Variants in SPIN1 observed in about 807,000 individuals in gnomAD.
SPIN1 encodes spindlin 1.
A neutral mutation model predicts 26.0 loss-of-function variants in SPIN1; 3 were observed. The ratio of observed to expected loss-of-function variants is 0.12; its 90% CI spans 0.05 to 0.30. The LOEUF is 0.30. SPIN1 is among the 10% of genes least tolerant of loss of function. SPIN1 has a pLI of 1.00. For synonymous variants in SPIN1, 101 were observed against 116.5 expected (o/e 0.87, Z 0.86); for missense variants, 126 against 333.4 (o/e 0.38, Z 4.84).
intron 5 of SPIN1, among the ~76,000 whole-genome samples, chr9:88,471,924 A>G (rs1366603669): frequency 1.3e-5 from 2 of 151,616 alleles, no homozygotes. Context: ...TCCGCCTCCC[A>G]AGGAACTGGG....
At position 88,462,779 on chromosome 9, in the gene SPIN1, A is replaced by G. The variant is rs146343199; in HGVS notation, c.355+30A>G. Reference sequence around the variant, plus strand: ...GTTCTTTTTATAATTTGTGCATTATATACTTTAAAAATGATATTGAACTGG... The same window carrying G: ...GTTCTTTTTATAATTTGTGCATTATGTACTTTAAAAATGATATTGAACTGG... On this transcript the variant is annotated intron_variant, in intron 4 of 5. Transcript: ENST00000375859. 56 of 1,560,674 alleles carry G rather than the reference A, an allele frequency of 3.6e-5. 1 individual carries two copies. Among genetic ancestry groups the G allele is most frequent in the Admixed American group, 1.8e-4 (9 of 48,930 alleles).
intron 3 of SPIN1, among the ~76,000 whole-genome samples, chr9:88,458,185 A>G (rs1004988758): frequency 6.6e-5 from 10 of 152,374 alleles, no homozygotes; most frequent in South Asian, 2.1e-4. Flanking sequence ...AGAAACTTCA[A>G]TCATTCTAGT....
At chr9:88,429,817 G>A (rs1316457950) in intron 2 of SPIN1, among the ~76,000 whole-genome samples, 1 of 152,070 alleles carries the variant, frequency 6.6e-6, no homozygotes, top group African/African-American at 2.4e-5. Context: ...TCATGCCTTG[G>A]TCCTACTAGA....
intron 1 of SPIN1, among the ~76,000 whole-genome samples, chr9:88,425,748 G>A (rs974960940): frequency 6.6e-6 from 1 of 151,970 alleles, no homozygotes; most frequent in African/African-American, 2.4e-5. Flanking sequence ...CTGTCTTTGA[G>A]GCTCCGCTGA....
chr9:88,432,052 G>C (rs981204163), intron 2 of SPIN1, among the ~76,000 whole-genome samples: 5 of 152,090 alleles, frequency 3.3e-5, no homozygotes, highest in African/African-American at 1.2e-4. Flanking sequence ...GATTTATTCT[G>C]TAACAGTGTG....
Position 88,400,006 on chromosome 9 carries a change from A to T in SPIN1, c.-159+11468A>T, listed in dbSNP as rs566004174. Among the ~76,000 whole-genome samples, 15 of 152,268 alleles carry T rather than the reference A, an allele frequency of 9.9e-5. 1 individual carries two copies. The South Asian group carries it at 3.1e-3, about 32-fold the overall frequency. ...ATTCTGTTTAAGCTGGAGTCCTTAA[A>T]TCCTTAAATGCTGCTCTGCTGCCTT... On this transcript the variant is annotated intron_variant, in intron 1 of 5. Coordinates refer to ENST00000375859, the MANE Select transcript of SPIN1 (RefSeq NM_006717.3).
chr9:88,464,665 A>C (rs1828626488), intron 4 of SPIN1, among the ~76,000 whole-genome samples: 1 of 152,216 alleles, frequency 6.6e-6, no homozygotes, highest in Non-Finnish European at 1.5e-5. Context: ...TAGTGAACAC[A>C]ATATTTTCTT....
Position 88,478,038 on chromosome 9 carries a change from G to A in SPIN1, c.*2761G>A, listed in dbSNP as rs1449523123. 2 of 151,620 alleles carry A rather than the reference G, an allele frequency of 1.3e-5. No homozygotes were observed. Among genetic ancestry groups the A allele is most frequent in the Non-Finnish European group, 2.9e-5 (2 of 67,960 alleles). 9.4% of individuals were successfully genotyped at this position (151,620 alleles called of 1,614,324 possible). ...TCAGTTTCCTGTATATTTGCTTACTGTGCCGTTTTAGTGGTTTTAGGATAA... is the reference window on the plus strand; with the variant it reads ...TCAGTTTCCTGTATATTTGCTTACTATGCCGTTTTAGTGGTTTTAGGATAA... On this transcript the variant is annotated 3_prime_UTR_variant, in exon 6 of 6. Transcript: ENST00000375859.
intron 1 of SPIN1, chr9:88,411,482 G>T: frequency 1.0e-6 from 1 of 961,276 alleles, no homozygotes; most frequent in Non-Finnish European, 1.6e-6. Flanking sequence ...GGAGAAGAGA[G>T]ACTTTAATGA....
intron 1 of SPIN1, among the ~76,000 whole-genome samples, chr9:88,403,579 C>G (rs942313789): frequency 3.3e-5 from 5 of 152,080 alleles, no homozygotes; most frequent in Non-Finnish European, 4.4e-5. Context: ...TGTGTGGTGG[C>G]ACACACCTGT....
In SPIN1 at chr9:88,448,971, A is replaced by G. The variant is rs896227879; in HGVS notation, c.83A>G (p.Lys28Arg). Residue 28 changes from lysine to arginine, a missense_variant, in exon 3 of 6, where the codon AAG becomes AGG. By Grantham distance (26) the Lys-to-Arg change is conservative (BLOSUM62 2). Transcript: ENST00000375859. ...GHAGVSANMM[K>R]KRTSHKKHRS... ...GCTGGAGTATCTGCCAACATGATGA[A>G]GAAGAGGACATCCCACAAGTAAGCA... 1 of 1,612,810 alleles carries G rather than the reference A, an allele frequency of 6.2e-7. No homozygotes were observed. The highest frequency in any genetic ancestry group is 1.3e-5 in the African/African-American group (1 of 74,486).
intron 1 of SPIN1, among the ~76,000 whole-genome samples, chr9:88,389,845 A>G (rs2119019465): frequency 6.6e-6 from 1 of 152,250 alleles, no homozygotes; most frequent in East Asian, 1.9e-4. Context: ...ACCTGGATAT[A>G]CTGAGTTTTT....
chr9:88,446,065 C>G (rs578051631), intron 2 of SPIN1, among the ~76,000 whole-genome samples: 1 of 152,118 alleles, frequency 6.6e-6, no homozygotes, highest in African/African-American at 2.4e-5. Context: ...GTTATATCAA[C>G]TGCTGAGAAA....
At chr9:88,473,073 A>T (rs1263921668) in intron 5 of SPIN1, among the ~76,000 whole-genome samples, 1 of 152,100 alleles carries the variant, frequency 6.6e-6, no homozygotes, top group Non-Finnish European at 1.5e-5. Context: ...TCTGGCCTTG[A>T]ATTTCTACTT....
chr9:88,425,979 C>G (rs1227547160), intron 1 of SPIN1, among the ~76,000 whole-genome samples: 1 of 152,148 alleles, frequency 6.6e-6, no homozygotes, highest in Non-Finnish European at 1.5e-5. Flanking sequence ...CACCCCCATA[C>G]TCTGTTTCTT....
chr9:88,406,967 A>G (rs1827323993), intron 1 of SPIN1, among the ~76,000 whole-genome samples: 2 of 151,952 alleles, frequency 1.3e-5, no homozygotes, highest in South Asian at 2.1e-4. Context: ...TTCAATAGCC[A>G]TTTAGATTTA....
rs879517349 is a variant in SPIN1 at position 88,409,837 on chromosome 9, C to CAA, written c.-158-16531_-158-16530dup. 3.5e-3 allele frequency among the ~76,000 whole-genome samples: 387 copies of CAA among 111,214 alleles called. 1 individual carries two copies. The highest frequency in any genetic ancestry group is 0.012 in the African/African-American group (356 of 30,236). The allele number at this position is 111,214 out of a possible 152,430, so 73.0% of individuals were successfully genotyped here. ...TGGGCAACAGATCGAGACTCCGTCT[C>CAA]AAAAAAAAAAAAAAAGAAATTGAGC... On this transcript the variant is annotated intron_variant, in intron 1 of 5. Transcript: ENST00000375859.
intron 5 of SPIN1, among the ~76,000 whole-genome samples, chr9:88,471,654 C>A (rs1163624087): frequency 2.8e-3 from 166 of 59,718 alleles, no homozygotes; most frequent in South Asian, 4.4e-3. Flanking sequence ...GACTCTGTCT[C>A]AAAAAAAAAA....
At chr9:88,425,981 CTG>C (rs1827758527) in intron 1 of SPIN1, among the ~76,000 whole-genome samples, 1 of 152,148 alleles carries the variant, frequency 6.6e-6, no homozygotes, top group Non-Finnish European at 1.5e-5. Flanking sequence ...CCCCCATACT[CTG>C]TTTCTTTGTG....
Sources: allele counts gnomAD v4.1 joint callset (sites outside exome capture counted in the v4.1 genomes callset), GRCh38; gene constraint gnomAD v4.1.1; transcripts MANE v1.5; gene names NCBI Gene and HGNC (gene_info 2026-07-23, HGNC 2026-07-21).